Variants in MAGI1 observed in about 807,000 individuals in gnomAD.
MAGI1 encodes membrane associated guanylate kinase, WW and PDZ domain containing 1.
A neutral mutation model predicts 139.9 loss-of-function variants in MAGI1; 58 were observed. The observed-to-expected ratio is 0.41, with a 90% CI of 0.34 to 0.52. The LOEUF (loss-of-function observed/expected upper bound fraction) is 0.52. Among genes scored for constraint, MAGI1 ranks in the 20% least tolerant of loss-of-function variants. The pLI, the probability that MAGI1 is intolerant of heterozygous loss-of-function variation, is 0.12. For missense variants in MAGI1, 1,874 were observed against 1,901.6 expected, an observed-to-expected ratio of 0.99 and a Z score of 0.27; for synonymous variants, 812 against 737.9, an observed-to-expected ratio of 1.10 and a Z score of -1.63.
chr3:65,892,612 T>C (rs1347722500), intron 1 of MAGI1, among the ~76,000 whole-genome samples: 1 of 152,176 alleles, frequency 6.6e-6, no homozygotes, highest in Non-Finnish European at 1.5e-5. Flanking sequence ...CTAACATTTA[T>C]GTATTAGGTG....
chr3:65,881,945 G>A (rs1031889865), intron 1 of MAGI1, among the ~76,000 whole-genome samples: 2 of 152,218 alleles, frequency 1.3e-5, no homozygotes, highest in Non-Finnish European at 2.9e-5. Flanking sequence ...CTGTCAAGAG[G>A]AGATCAAGTT....
intron 1 of MAGI1, among the ~76,000 whole-genome samples, chr3:65,826,347 T>C (rs911205883): frequency 1.3e-5 from 2 of 152,246 alleles, no homozygotes; most frequent in Non-Finnish European, 2.9e-5. Context: ...GCCAGTATTA[T>C]GAGCTACTTA....
chr3:65,741,374 C>T (rs573438491), intron 1 of MAGI1, among the ~76,000 whole-genome samples: 8 of 152,222 alleles, frequency 5.3e-5, no homozygotes, highest in African/African-American at 1.9e-4. Context: ...CAGGGTTTCA[C>T]CGTGTTAGCC....
chr3:65,559,552 A>G (rs2080240924), intron 2 of MAGI1, among the ~76,000 whole-genome samples: 4 of 152,202 alleles, frequency 2.6e-5, no homozygotes. Flanking sequence ...CTAATATTCT[A>G]ACATTCATAC....
intron 1 of MAGI1, among the ~76,000 whole-genome samples, chr3:65,624,397 A>G (rs1175399253): frequency 1.3e-5 from 2 of 152,240 alleles, no homozygotes; most frequent in Admixed American, 6.5e-5. Context: ...GTGAATGAAT[A>G]AGCAAACTGT....
intron 1 of MAGI1, among the ~76,000 whole-genome samples, chr3:65,963,167 A>T (rs2107109108): frequency 6.6e-6 from 1 of 151,542 alleles, no homozygotes; most frequent in African/African-American, 2.4e-5. Flanking sequence ...AAAAAAAAAA[A>T]AATTAGCTGG....
intron 2 of MAGI1, among the ~76,000 whole-genome samples, chr3:65,503,600 T>C (rs1248776555): frequency 6.6e-6 from 1 of 150,814 alleles, no homozygotes; most frequent in Non-Finnish European, 1.5e-5. Context: ...AACTTGCATG[T>C]TTGGGATCAG....
At chr3:65,432,946 T>G (rs1408600874) in intron 10 of MAGI1, among the ~76,000 whole-genome samples, 1 of 152,168 alleles carries the variant, frequency 6.6e-6, no homozygotes, top group Non-Finnish European at 1.5e-5. Flanking sequence ...TCCCAATCCC[T>G]TTTTCCTGCT....
chr3:65,815,859 C>T (rs868633), intron 1 of MAGI1, among the ~76,000 whole-genome samples: 93,011 of 152,000 alleles, frequency 0.61, 29,040 homozygotes, highest in East Asian at 0.93. Context: ...AAATAACTAA[C>T]CAAAAGCTAC....
chr3:65,575,865 A>G (rs2081152834), intron 2 of MAGI1, among the ~76,000 whole-genome samples: 1 of 152,174 alleles, frequency 6.6e-6, no homozygotes, highest in Non-Finnish European at 1.5e-5. Flanking sequence ...CAAACTTAGC[A>G]CCAGATAACA....
intron 1 of MAGI1, among the ~76,000 whole-genome samples, chr3:65,699,261 A>G (rs2089436653): frequency 8.5e-6 from 1 of 117,458 alleles, no homozygotes; most frequent in African/African-American, 3.7e-5. Flanking sequence ...AAATAGGAAC[A>G]CTTTTACACT....
At chr3:65,509,140 T>C (rs995465066) in intron 2 of MAGI1, among the ~76,000 whole-genome samples, 6 of 150,716 alleles carry the variant, frequency 4.0e-5, no homozygotes, top group African/African-American at 9.8e-5. Flanking sequence ...AAGTGTTTAA[T>C]TGAAGCTATT....
At chr3:66,033,383 A>G (rs2068746082) in intron 1 of MAGI1, among the ~76,000 whole-genome samples, 1 of 152,136 alleles carries the variant, frequency 6.6e-6, no homozygotes, top group Non-Finnish European at 1.5e-5. Context: ...AACAGCAAGT[A>G]TACGCGTCTC....
chr3:65,430,562 G>A (rs1019430060), intron 11 of MAGI1, 137 bp downstream of exon 11: 37 of 832,446 alleles, frequency 4.4e-5, no homozygotes, highest in Non-Finnish European at 6.3e-5. Flanking sequence ...TCATTCTCAA[G>A]GTGTTTAAAG....
At chr3:65,417,590 T>C (rs1042391439) in intron 12 of MAGI1, among the ~76,000 whole-genome samples, 1 of 151,796 alleles carries the variant, frequency 6.6e-6, no homozygotes. Context: ...TTTGAGATGA[T>C]GGTGAAAAGA....
intron 1 of MAGI1, among the ~76,000 whole-genome samples, chr3:65,627,888 T>A (rs540203077): frequency 2.3e-4 from 35 of 152,290 alleles, no homozygotes; most frequent in Admixed American, 3.9e-4. Context: ...CTCACCCACA[T>A]GAGTTTACAG....
At chr3:65,409,435 G>A (rs1018612372) in intron 12 of MAGI1, among the ~76,000 whole-genome samples, 2 of 152,144 alleles carry the variant, frequency 1.3e-5, no homozygotes, top group African/African-American at 4.8e-5. Flanking sequence ...CACATGCAAT[G>A]ATTGATGCTT....
chr3:65,980,906 C>G (rs1302167092), intron 1 of MAGI1, among the ~76,000 whole-genome samples: 1 of 151,988 alleles, frequency 6.6e-6, no homozygotes, highest in Admixed American at 6.6e-5. Context: ...TGCCTGTAAT[C>G]CCAGCACTTT....
chr3:65,991,669 A>G (rs756646681), intron 1 of MAGI1, among the ~76,000 whole-genome samples: 1 of 152,158 alleles, frequency 6.6e-6, no homozygotes, highest in African/African-American at 2.4e-5. Context: ...TTTGATCTAG[A>G]TATCTTTCTT....
Sources: gnomAD v4.1 joint callset for allele counts (sites outside exome capture counted in the v4.1 genomes callset) on GRCh38, gnomAD v4.1.1 for gene constraint, MANE v1.5 for transcripts, NCBI Gene and HGNC (gene_info 2026-07-23, HGNC 2026-07-21) for gene names.